MAL: variants seen among roughly 807,000 people sequenced by gnomAD.
The protein encoded by MAL is mal, T cell differentiation protein (MAL blood group).
Under a neutral mutation model 16.7 loss-of-function variants are expected in MAL, and 5 were observed. That is an observed-to-expected ratio of 0.30 (90% CI 0.16 to 0.63). The LOEUF (loss-of-function observed/expected upper bound fraction) is 0.63. Ranked by LOEUF, MAL falls within the 30% of genes least tolerant of loss-of-function variation. The pLI is 0.82. For missense variants in MAL, 202 were observed against 195.8 expected, an observed-to-expected ratio of 1.03 and a Z score of -0.19; for synonymous variants, 96 against 85.5, an observed-to-expected ratio of 1.12 and a Z score of -0.67.
At chr2:95,034,582 A>G (rs1020137919) in intron 1 of MAL, among the ~76,000 whole-genome samples, 1 of 152,202 alleles carries the variant, frequency 6.6e-6, no homozygotes, top group African/African-American at 2.4e-5. Context: ...GGGAGGGGGC[A>G]GCCTCTGGCA....
At chr2:95,043,627 G>A (rs1384241655) in intron 1 of MAL, among the ~76,000 whole-genome samples, 1 of 152,228 alleles carries the variant, frequency 6.6e-6, no homozygotes, top group Non-Finnish European at 1.5e-5. Flanking sequence ...AAGGCAAGGG[G>A]CATGACTCAG....
intron 1 of MAL, among the ~76,000 whole-genome samples, chr2:95,032,589 C>T (rs1674110474): frequency 6.6e-6 from 1 of 152,190 alleles, no homozygotes. Context: ...TGCCCCTTGT[C>T]CTTGAAGCAG....
At position 95,042,222 on chromosome 2, in the gene MAL, G is replaced by A. The variant is rs1056542500; in HGVS notation, c.94-5737G>A. Among the ~76,000 whole-genome samples the A allele has an allele frequency of 8.5e-5, 13 of 152,320 alleles. No homozygotes were observed. The South Asian group carries it at 1.7e-3, about 19-fold the overall frequency. On this transcript the variant is annotated intron_variant, in intron 1 of 3. Coordinates refer to ENST00000309988, the MANE Select transcript of MAL (RefSeq NM_002371.4). ...TGGAGGGGGGCAGTCGGCTGGCATC[G>A]CTGGAAGGCAGGCAGGGCCTTGAGA...
At chr2:95,044,384 G>C (rs935933441) in intron 1 of MAL, 55 of 152,290 alleles carry the variant, frequency 3.6e-4, no homozygotes, top group African/African-American at 1.3e-3. Flanking sequence ...CCTTTCAATG[G>C]GGGAACTGCA....
intron 1 of MAL, among the ~76,000 whole-genome samples, chr2:95,037,552 G>GTGAGTGAC (rs1674265501): frequency 6.6e-6 from 1 of 151,382 alleles, no homozygotes; most frequent in South Asian, 2.1e-4. Context: ...GAGTGAGTGA[G>GTGAGTGAC]TGAGTGACTG....
chr2:95,035,911 C>G lies in MAL; in HGVS notation c.93+10026C>G, dbSNP rs554486207. On this transcript the variant is annotated intron_variant, in intron 1 of 3. Transcript: ENST00000309988. ...GTCTCAATCTCCTGACCTCGTGATC[C>G]GCTCACCTCAGCCTCCCCAAGTGCT... Among the ~76,000 whole-genome samples the G allele has an allele frequency of 2.6e-5, 4 of 152,260 alleles. No homozygotes were observed. In the East Asian group the frequency reaches 7.7e-4, roughly 29 times the overall value.
chr2:95,053,580 C>A lies in MAL; in HGVS notation c.*125C>A. 4.2e-6 allele frequency: 3 copies of A among 721,562 alleles called. No individual in the cohort carries two copies. The highest frequency in any genetic ancestry group is 3.6e-5 in the South Asian group (2 of 56,204). The allele number at this position is 721,562 out of a possible 1,614,324, so 44.7% of individuals were successfully genotyped here. A position where few individuals can be genotyped will look rare whatever the true frequency, so the allele number is the denominator to read the frequency against. ...AAAAAAGAAAACAACCACCCCCCCACTGCCCAAAAAAAAAAGCCCTGCCCT... is the reference window on the plus strand; with the variant it reads ...AAAAAAGAAAACAACCACCCCCCCAATGCCCAAAAAAAAAAGCCCTGCCCT... On this transcript the variant is annotated 3_prime_UTR_variant, in exon 4 of 4. Coordinates refer to ENST00000309988, the MANE Select transcript of MAL (RefSeq NM_002371.4).
intron 1 of MAL, among the ~76,000 whole-genome samples, chr2:95,039,743 GT>G: frequency 6.6e-6 from 1 of 151,410 alleles, no homozygotes; most frequent in African/African-American, 2.4e-5. Flanking sequence ...GAGTGAGTGG[GT>G]GAGTGAGCGA....
intron 1 of MAL, among the ~76,000 whole-genome samples, chr2:95,031,251 G>A (rs1211089037): frequency 1.3e-5 from 2 of 152,104 alleles, no homozygotes; most frequent in African/African-American, 4.8e-5. Context: ...TGCACTAGAA[G>A]GCACACTGGG....
intron 1 of MAL, chr2:95,044,422 T>C (rs1387426519): frequency 2.0e-5 from 3 of 152,226 alleles, no homozygotes; most frequent in Non-Finnish European, 4.4e-5. Flanking sequence ...CTCATAAAGC[T>C]GTTTAAGAAA....
rs1674630034 is a variant in MAL, at chr2:95,048,018, C to G, written c.153C>G (p.Val51=). ...VASSLVPWPL[V]QGWVMFVSVF... ...CCTCCCTGGTGCCCTGGCCCCTGGT[C>G]CAGGGCTGGGTGATGTTCGTGTCTG... The change falls in exon 2 of 4, where the codon GTC becomes GTG. Residue 51 remains valine, a synonymous_variant. Transcript: ENST00000309988. The G allele has an allele frequency of 6.2e-7, 1 of 1,613,792 alleles. No individual in the cohort carries two copies. The highest frequency in any genetic ancestry group is 1.7e-5 in the Admixed American group (1 of 60,002).
At chr2:95,028,842 G>A (rs568509701) in intron 1 of MAL, among the ~76,000 whole-genome samples, 1 of 152,270 alleles carries the variant, frequency 6.6e-6, no homozygotes, top group East Asian at 1.9e-4. Flanking sequence ...ATAAAATACT[G>A]GAATAGATAA....
intron 1 of MAL, among the ~76,000 whole-genome samples, chr2:95,038,520 GTGAGTGACTGAGTGAGTGAC>G (rs1674322029): frequency 2.7e-5 from 4 of 150,636 alleles, no homozygotes; most frequent in African/African-American, 9.7e-5. Flanking sequence ...GAGTGGGTGA[GTGAGTGACTGAGTGAGTGAC>G]TGAGTGACTG....
At chr2:95,051,127 C>T (rs1189203833) in intron 3 of MAL, among the ~76,000 whole-genome samples, 1 of 152,176 alleles carries the variant, frequency 6.6e-6, no homozygotes, top group Non-Finnish European at 1.5e-5. Flanking sequence ...CACCCCTTCC[C>T]GCTGGGCAGG....
intron 1 of MAL, among the ~76,000 whole-genome samples, chr2:95,034,554 T>C (rs1008201168): frequency 6.6e-6 from 1 of 152,226 alleles, no homozygotes; most frequent in Non-Finnish European, 1.5e-5. Context: ...GTCGGCTGTA[T>C]GCAAGGGCAT....
intron 1 of MAL, among the ~76,000 whole-genome samples, chr2:95,045,969 C>T (rs879694257): frequency 5.9e-5 from 9 of 152,208 alleles, no homozygotes; most frequent in East Asian, 1.9e-4. Context: ...GGCCCTGCCA[C>T]GTGCCTTCAG....
At chr2:95,039,630 GTGAC>G (rs555161427) in intron 1 of MAL, among the ~76,000 whole-genome samples, 214 of 151,240 alleles carry the variant, frequency 1.4e-3, no homozygotes, top group African/African-American at 5.1e-3. Flanking sequence ...GGGTGAGTGA[GTGAC>G]TGAGTGAGTG....
intron 1 of MAL, among the ~76,000 whole-genome samples, chr2:95,038,845 T>C (rs1470809475): frequency 1.2e-5 from 1 of 81,320 alleles, no homozygotes; most frequent in Non-Finnish European, 2.4e-5. Flanking sequence ...AGTGAGTGAA[T>C]GACCGAGTGA....
chr2:95,038,700 C>T (rs1261686671), intron 1 of MAL, among the ~76,000 whole-genome samples: 1 of 120,888 alleles, frequency 8.3e-6, no homozygotes, highest in African/African-American at 3.2e-5. Context: ...GACTGAGTGA[C>T]TGAGTGGGTG....
Sources: gnomAD v4.1 joint callset for allele counts (sites outside exome capture counted in the v4.1 genomes callset) on GRCh38, gnomAD v4.1.1 for gene constraint, MANE v1.5 for transcripts, NCBI Gene and HGNC (gene_info 2026-07-23, HGNC 2026-07-21) for gene names.